CTSO: variants seen among roughly 807,000 people sequenced by gnomAD.
CTSO encodes cathepsin O.
In CTSO, 40 loss-of-function variants were observed where a neutral mutation model predicts 42.4. The observed-to-expected ratio is 0.94, with a 90% CI of 0.73 to 1.23. The LOEUF is 1.23. Among genes scored for constraint, CTSO ranks in the 50% most tolerant of loss-of-function variants. CTSO has a pLI of 0.00. For missense variants in CTSO, 441 were observed against 396.0 expected (o/e 1.11, Z -0.96); for synonymous variants, 156 against 146.2 (o/e 1.07, Z -0.48).
At chr4:155,937,577 C>A in intron 4 of CTSO, 94 bp from the exon 5 acceptor site, 1 of 1,140,012 alleles carries the variant, frequency 8.8e-7, no homozygotes, top group Non-Finnish European at 1.3e-6. Context: ...TTCAATTTCA[C>A]ACACCTTCAT....
In CTSO at chr4:155,926,001, C is replaced by T; in HGVS notation, c.*35G>A. On this transcript the variant is annotated 3_prime_UTR_variant, in exon 8 of 8. Coordinates refer to ENST00000433477, the MANE Select transcript of CTSO (RefSeq NM_001334.3). ...TGTTACATTGCATTATGAAAACCTT[C>T]ATTTTTGTAGCTGTCTCTTGATCTG... is the stretch of plus-strand genomic sequence containing the variant. 3 of 1,588,104 alleles carry T rather than the reference C, an allele frequency of 1.9e-6. No individual in the cohort carries two copies. Among genetic ancestry groups the T allele is most frequent in the Non-Finnish European group, 2.6e-6 (3 of 1,163,332 alleles).
chr4:155,931,829 T>C (rs148661703), intron 5 of CTSO, among the ~76,000 whole-genome samples: 73 of 150,806 alleles, frequency 4.8e-4, no homozygotes, highest in African/African-American at 1.7e-3. Flanking sequence ...AATCATTGAT[T>C]AATGAATTAT....
intron 1 of CTSO, among the ~76,000 whole-genome samples, chr4:155,953,468 C>A (rs1579352329): frequency 6.6e-6 from 1 of 152,184 alleles, no homozygotes; most frequent in African/African-American, 2.4e-5. Context: ...AAATCCATAG[C>A]GACAAATCTC....
intron 3 of CTSO, among the ~76,000 whole-genome samples, chr4:155,941,810 AC>A (rs752902040): frequency 9.9e-5 from 15 of 152,210 alleles, no homozygotes; most frequent in Admixed American, 3.3e-4. Flanking sequence ...TCCTGTGAAG[AC>A]GGGGGCAGAT....
At chr4:155,950,896 A>T (rs28430821) in intron 1 of CTSO, among the ~76,000 whole-genome samples, 17,678 of 151,754 alleles carry the variant, frequency 0.12, 1,200 homozygotes, top group Middle Eastern at 0.25. Flanking sequence ...CCATGAAACC[A>T]ATCCCTGGTG....
intron 4 of CTSO, 105 bp from the exon 5 acceptor site, chr4:155,937,588 CAT>C (rs1347400802): frequency 1.9e-6 from 2 of 1,027,894 alleles, no homozygotes; most frequent in African/African-American, 3.2e-5. Flanking sequence ...ACACCTTCAT[CAT>C]GTGGATATAC....
chr4:155,947,649 C>A (rs991386163), intron 1 of CTSO, among the ~76,000 whole-genome samples: 2 of 152,172 alleles, frequency 1.3e-5, no homozygotes, highest in African/African-American at 4.8e-5. Context: ...TATTTCATTT[C>A]TTGAATTATC....
intron 5 of CTSO, among the ~76,000 whole-genome samples, chr4:155,933,281 T>A (rs1336192246): frequency 6.6e-6 from 1 of 152,154 alleles, no homozygotes; most frequent in Non-Finnish European, 1.5e-5. Flanking sequence ...CTTCTCCTTC[T>A]TCCTCAATTT....
chr4:155,933,581 C>A (rs1356314508), intron 5 of CTSO, among the ~76,000 whole-genome samples: 1 of 152,184 alleles, frequency 6.6e-6, no homozygotes, highest in African/African-American at 2.4e-5. Context: ...AAGTTTGGAA[C>A]TTCCTAGAGA....
intron 4 of CTSO, among the ~76,000 whole-genome samples, chr4:155,938,946 G>A (rs1743378850): frequency 6.6e-6 from 1 of 151,950 alleles, no homozygotes; most frequent in African/African-American, 2.4e-5. Flanking sequence ...GACAGAGTGA[G>A]ACTCTGTCTC....
chr4:155,950,660 G>A (rs1435002740), intron 1 of CTSO, among the ~76,000 whole-genome samples: 6 of 150,956 alleles, frequency 4.0e-5, no homozygotes, highest in South Asian at 2.1e-4. Context: ...AGGGGCCTGC[G>A]AGCATGCATC....
chr4:155,942,093 G>A (rs1743446828), intron 3 of CTSO, among the ~76,000 whole-genome samples: 1 of 151,986 alleles, frequency 6.6e-6, no homozygotes. Flanking sequence ...ATGGCAATTA[G>A]TAAGAGTACA....
At chr4:155,935,343 T>C (rs1743311431) in intron 5 of CTSO, among the ~76,000 whole-genome samples, 1 of 152,134 alleles carries the variant, frequency 6.6e-6, no homozygotes, top group African/African-American at 2.4e-5. Flanking sequence ...AGGGACAGTA[T>C]GACCTCATCT....
chr4:155,948,470 T>G (rs1743587245), intron 1 of CTSO, among the ~76,000 whole-genome samples: 1 of 152,128 alleles, frequency 6.6e-6, no homozygotes, highest in South Asian at 2.1e-4. Context: ...AGCAGTGTCT[T>G]CCATATTCTA....
intron 5 of CTSO, among the ~76,000 whole-genome samples, chr4:155,932,751 C>T (rs904045849): frequency 1.3e-5 from 2 of 152,176 alleles, no homozygotes; most frequent in African/African-American, 4.8e-5. Flanking sequence ...CTGGTTTAAT[C>T]AAGAAACCCT....
rs113194866 is a variant in CTSO at position 155,929,040 on chromosome 4, G to T, written c.838+502C>A. 9.8e-3 allele frequency among the ~76,000 whole-genome samples: 1,489 copies of T among 152,300 alleles called. 30 individuals are homozygous for T. Among genetic ancestry groups the T allele is most frequent in the African/African-American group, 0.034 (1,413 of 41,552 alleles). ...CAAGGAACACCTGGCCGAACCCTGG[G>T]CAGAAAACTGCTTAAAGGCGTTCTT... is the stretch of plus-strand genomic sequence containing the variant. On this transcript the variant is annotated intron_variant, in intron 6 of 7. Transcript: ENST00000433477.
At position 155,942,537 on chromosome 4, in the gene CTSO, T is replaced by C. The variant is rs1003900609; in HGVS notation, c.245-81A>G. 21 of 627,366 alleles carry C rather than the reference T, an allele frequency of 3.3e-5. No individual in the cohort carries two copies. The South Asian group carries it at 8.2e-4, about 25-fold the overall frequency. The allele number at this position is 627,366 out of a possible 1,614,324, so 38.9% of individuals were successfully genotyped here. A position where few individuals can be genotyped will look rare whatever the true frequency, so the allele number is the denominator to read the frequency against. ...TTATATATATCATATATATTTGTTATATATAAAGACAATCAATATTATATT... is the reference window on the plus strand; with the variant it reads ...TTATATATATCATATATATTTGTTACATATAAAGACAATCAATATTATATT... On this transcript the variant is annotated intron_variant, in intron 2 of 7. Coordinates refer to ENST00000433477, the MANE Select transcript of CTSO (RefSeq NM_001334.3).
intron 5 of CTSO, among the ~76,000 whole-genome samples, chr4:155,930,702 C>G (rs2110907177): frequency 6.6e-6 from 1 of 152,106 alleles, no homozygotes; most frequent in Admixed American, 6.5e-5. Context: ...CAGCTGGAGA[C>G]CAGTTTCTAG....
intron 1 of CTSO, among the ~76,000 whole-genome samples, chr4:155,947,675 CTT>C (rs1329025612): frequency 1.3e-5 from 2 of 152,152 alleles, no homozygotes; most frequent in African/African-American, 4.8e-5. Context: ...TTTTAAGTGA[CTT>C]TTCCGGTCTC....
Sources: gnomAD v4.1 joint callset for allele counts (sites outside exome capture counted in the v4.1 genomes callset) on GRCh38, gnomAD v4.1.1 for gene constraint, MANE v1.5 for transcripts, NCBI Gene and HGNC (gene_info 2026-07-23, HGNC 2026-07-21) for gene names.